COL6A6: variants seen among roughly 807,000 people sequenced by gnomAD.
COL6A6 encodes collagen alpha-6(VI) chain.
COL6A6 carries 183 observed loss-of-function variants against 208.6 expected under a neutral mutation model. The ratio of observed to expected loss-of-function variants is 0.88; its 90% CI spans 0.78 to 0.99. COL6A6 has a LOEUF of 0.99. COL6A6 is among the 50% of genes least tolerant of loss of function. COL6A6 has a pLI of 0.00. For synonymous variants in COL6A6, 973 were observed against 1,011.8 expected, an observed-to-expected ratio of 0.96 and a Z score of 0.73; for missense variants, 2,816 against 2,815.2, an observed-to-expected ratio of 1.00 and a Z score of -0.01.
chr3:130,652,588 G>A (rs2065675289), intron 33 of COL6A6, among the ~76,000 whole-genome samples: 1 of 152,190 alleles, frequency 6.6e-6, no homozygotes, highest in African/African-American at 2.4e-5. Flanking sequence ...ATGAAACCAA[G>A]CAGGGTTGTC....
At position 130,574,054 on chromosome 3, in the gene COL6A6, G is replaced by A. The variant is rs766440409; in HGVS notation, c.3076G>A (p.Val1026Ile). The A allele has an allele frequency of 2.5e-6, 4 of 1,613,932 alleles. No homozygotes were observed. The highest frequency in any genetic ancestry group is 3.4e-6 in the Non-Finnish European group (4 of 1,179,854). ...GAAAATGAAGGAATTTCTGGCATCT[G>A]TTGTTCAAGACTTTGATGTCAGCCT... ...FKKMKEFLASVVQDFDVSLNR... is the reference protein window; with the variant it reads ...FKKMKEFLASIVQDFDVSLNR... The change falls in exon 8 of 37, where the codon GTT (valine) becomes ATT (isoleucine). Residue 1026 changes from valine (V) to isoleucine (I), a missense_variant. By Grantham distance (29) the Val-to-Ile change is conservative. Coordinates refer to ENST00000358511, the MANE Select transcript of COL6A6 (RefSeq NM_001102608.3).
At chr3:130,640,513 A>G (rs2065277389) in intron 28 of COL6A6, among the ~76,000 whole-genome samples, 1 of 152,198 alleles carries the variant, frequency 6.6e-6, no homozygotes, top group African/African-American at 2.4e-5. Context: ...AACCAAGCAC[A>G]CTGTCAATAT....
chr3:130,664,972 A>C, intron 35 of COL6A6, 31 bp from the exon 36 acceptor site: 4 of 1,395,788 alleles, frequency 2.9e-6, no homozygotes, highest in Non-Finnish European at 4.0e-6. Context: ...AGTCATGAAT[A>C]CAAGACTTAT....
rs2063993345 is a variant in COL6A6 at position 130,600,853 on chromosome 3, AT to A, written c.4653+1044del. On this transcript the variant is annotated intron_variant, in intron 20 of 36. Coordinates refer to ENST00000358511, the MANE Select transcript of COL6A6 (RefSeq NM_001102608.3). Reference sequence around the variant, plus strand: ...ACAAACCTACATGTTCTGCACTTGTATCCTGGAACTTAAAATAAAAATAAAA... The same window carrying A: ...ACAAACCTACATGTTCTGCACTTGTACCTGGAACTTAAAATAAAAATAAAA... Among the ~76,000 whole-genome samples, 4 of 152,208 alleles carry A rather than the reference AT, an allele frequency of 2.6e-5. No homozygotes were observed. The South Asian group carries it at 8.3e-4, about 32-fold the overall frequency.
chr3:130,675,869 C>T lies in COL6A6; in HGVS notation c.*472C>T, dbSNP rs1380865508. The T allele has an allele frequency of 1.3e-5, 2 of 152,288 alleles. No individual in the cohort carries two copies. Among genetic ancestry groups the T allele is most frequent in the African/African-American group, 4.8e-5 (2 of 41,414 alleles). The allele number at this position is 152,288 out of a possible 1,614,324, so 9.4% of individuals were successfully genotyped here. ...CTAGAAATGGATGCTGTTTATATGT[C>T]GTATTTTTTTAAAACGTGACCTTCT... On this transcript the variant is annotated 3_prime_UTR_variant, in exon 37 of 37. Transcript: ENST00000358511.
At chr3:130,602,934 A>C (rs2064069586) in intron 20 of COL6A6, among the ~76,000 whole-genome samples, 1 of 152,202 alleles carries the variant, frequency 6.6e-6, no homozygotes, top group African/African-American at 2.4e-5. Context: ...GAGAAAGTAG[A>C]AAAATCTAGT....
intron 1 of COL6A6, among the ~76,000 whole-genome samples, chr3:130,535,957 G>T (rs988878023): frequency 6.6e-6 from 1 of 152,178 alleles, no homozygotes; most frequent in Non-Finnish European, 1.5e-5. Flanking sequence ...CATCTGGAAA[G>T]TGGAGAAAAT....
chr3:130,644,883 G>T, intron 31 of COL6A6, 108 bp from the exon 32 acceptor site: 1 of 963,384 alleles, frequency 1.0e-6, no homozygotes, highest in South Asian at 1.4e-5. Context: ...CTTGATTTTT[G>T]AGTCATCTAC....
Position 130,555,752 on chromosome 3 carries a change from G to GT in COL6A6, c.-31-4574dup, listed in dbSNP as rs200812307. On this transcript the variant is annotated intron_variant, in intron 1 of 36. Coordinates refer to ENST00000358511, the MANE Select transcript of COL6A6 (RefSeq NM_001102608.3). ...TGAATTGAATGATGGGTGTTTTTTG[G>GT]TTTTTTTTGTGGGGTTTTAAAAATA... is the stretch of plus-strand genomic sequence containing the variant. Among the ~76,000 whole-genome samples the GT allele has an allele frequency of 3.3e-3, 496 of 150,920 alleles. 16 individuals are homozygous for GT. In the East Asian group the frequency reaches 0.074, roughly 23 times the overall value.
intron 1 of COL6A6, among the ~76,000 whole-genome samples, chr3:130,544,606 A>G (rs530291410): frequency 6.6e-6 from 1 of 152,008 alleles, no homozygotes; most frequent in Non-Finnish European, 1.5e-5. Context: ...TCTCTGGGCA[A>G]CTCCATACTG....
intron 26 of COL6A6, among the ~76,000 whole-genome samples, chr3:130,627,736 T>C (rs923433750): frequency 6.6e-6 from 1 of 152,098 alleles, no homozygotes; most frequent in Non-Finnish European, 1.5e-5. Context: ...TAGCCAGTAA[T>C]GAGAGGTTGT....
intron 36 of COL6A6, among the ~76,000 whole-genome samples, chr3:130,674,658 G>A (rs1576441145): frequency 6.6e-6 from 1 of 152,230 alleles, no homozygotes; most frequent in East Asian, 1.9e-4. Context: ...AATACTTATT[G>A]AGTGACTGCT....
chr3:130,531,225 ATTC>A (rs2062087527), intron 1 of COL6A6, among the ~76,000 whole-genome samples: 1 of 152,024 alleles, frequency 6.6e-6, no homozygotes, highest in African/African-American at 2.4e-5. Context: ...GGGCTGCACA[ATTC>A]TTTATTTTGG....
rs760999441 is a variant in COL6A6 at position 130,566,763 on chromosome 3, G to A, written c.1344G>A (p.Gln448=). The change falls in exon 5 of 37, where the codon CAG becomes CAA. Residue 448 remains glutamine, a synonymous_variant. Coordinates refer to ENST00000358511, the MANE Select transcript of COL6A6 (RefSeq NM_001102608.3). ...YLLIDGSGST[Q]ATDFHEMKTF... ...TTATCGATGGCTCAGGGAGCACCCA[G>A]GCCACAGATTTCCATGAAATGAAGA... 12 of 1,613,846 alleles carry A rather than the reference G, an allele frequency of 7.4e-6. No individual in the cohort carries two copies. Among genetic ancestry groups the A allele is most frequent in the Non-Finnish European group, 7.6e-6 (9 of 1,179,900 alleles).
At chr3:130,586,738 T>G in intron 11 of COL6A6, 78 bp downstream of exon 11, 1 of 1,380,968 alleles carries the variant, frequency 7.2e-7, no homozygotes, top group Non-Finnish European at 9.8e-7. Flanking sequence ...TGCTTAAGAA[T>G]TTGAACTTAC....
intron 35 of COL6A6, among the ~76,000 whole-genome samples, chr3:130,663,002 G>A (rs1449279566): frequency 6.6e-6 from 1 of 152,172 alleles, no homozygotes; most frequent in East Asian, 1.9e-4. Context: ...TCTGAAGGGT[G>A]AAAAGCACTT....
intron 27 of COL6A6, among the ~76,000 whole-genome samples, chr3:130,634,987 C>T (rs1457737187): frequency 6.6e-6 from 1 of 152,160 alleles, no homozygotes; most frequent in African/African-American, 2.4e-5. Flanking sequence ...GTAATCCCAG[C>T]ACTTTGGGAG....
At chr3:130,533,589 C>G (rs1451800672) in intron 1 of COL6A6, among the ~76,000 whole-genome samples, 2 of 152,164 alleles carry the variant, frequency 1.3e-5, no homozygotes, top group African/African-American at 2.4e-5. Context: ...ATATTACAGA[C>G]AAGTTAGAAA....
In COL6A6 at chr3:130,649,159, A is replaced by AG. The variant is rs2065547991; in HGVS notation, c.5332dup (p.Glu1778GlyfsTer11). The AG allele has an allele frequency of 6.3e-7, 1 of 1,594,656 alleles. No homozygotes were observed. The highest frequency in any genetic ancestry group is 1.3e-5 in the African/African-American group (1 of 74,640). On this transcript the variant is annotated frameshift_variant, in exon 33 of 37. Transcript: ENST00000358511. LOFTEE classifies it high-confidence loss of function. The stretch of plus-strand genomic sequence containing the variant: ...ACTGAGCAGGAATTTGAGCGGATGA[A>AG]GGAGATGATGGCTTTCCTGGTGAGA...
Sources: gnomAD v4.1 joint callset for allele counts (sites outside exome capture counted in the v4.1 genomes callset) on GRCh38, gnomAD v4.1.1 for gene constraint, MANE v1.5 for transcripts, NCBI Gene and HGNC (gene_info 2026-07-23, HGNC 2026-07-21) for gene names.